TTC3: variants seen among roughly 807,000 people sequenced by gnomAD.
TTC3 encodes the protein tetratricopeptide repeat domain 3, also known as E3 ubiquitin-protein ligase TTC3.
In TTC3, 180 loss-of-function variants were observed where a neutral mutation model predicts 249.6. The observed-to-expected ratio is 0.72, with a 90% CI of 0.64 to 0.82. The LOEUF is 0.82. Ranked by LOEUF, TTC3 falls within the 40% of genes least tolerant of loss-of-function variation. The pLI is 0.00. For missense variants in TTC3, 2,061 were observed against 2,398.4 expected (o/e 0.86, Z 2.94); for synonymous variants, 717 against 805.0 (o/e 0.89, Z 1.85).
intron 27 of TTC3, among the ~76,000 whole-genome samples, chr21:37,155,418 C>T (rs375246822): frequency 4.6e-5 from 7 of 152,142 alleles, no homozygotes; most frequent in Non-Finnish European, 1.0e-4. Flanking sequence ...GGATAGGGAA[C>T]GGGAATGTGC....
intron 44 of TTC3, among the ~76,000 whole-genome samples, chr21:37,198,661 A>C (rs900148671): frequency 1.3e-5 from 2 of 152,244 alleles, no homozygotes; most frequent in Admixed American, 1.3e-4. Flanking sequence ...TTCAAATTAC[A>C]AAGTATTACA....
chr21:37,145,472 CAATA>C (rs1220939498), intron 21 of TTC3, among the ~76,000 whole-genome samples: 3 of 152,148 alleles, frequency 2.0e-5, no homozygotes, highest in Non-Finnish European at 4.4e-5. Flanking sequence ...TGTGGGCAGA[CAATA>C]AATATTGGCA....
intron 1 of TTC3, among the ~76,000 whole-genome samples, chr21:37,080,592 CAG>C (rs1480592688): frequency 6.6e-6 from 1 of 152,178 alleles, no homozygotes; most frequent in Non-Finnish European, 1.5e-5. Flanking sequence ...TAGTTTCTAA[CAG>C]ATTTCCTGTA....
chr21:37,174,634 A>G (rs562632869), intron 35 of TTC3, among the ~76,000 whole-genome samples: 23 of 152,312 alleles, frequency 1.5e-4, no homozygotes, highest in Non-Finnish European at 5.9e-5. Flanking sequence ...TAGCAAATGC[A>G]TACCCAGCCC....
chr21:37,182,059 A>T (rs988847735), intron 35 of TTC3, among the ~76,000 whole-genome samples: 5 of 152,246 alleles, frequency 3.3e-5, no homozygotes, highest in African/African-American at 1.2e-4. Flanking sequence ...ATTCACGTTT[A>T]AATTAATTAT....
chr21:37,085,431 A>G (rs1232857526), intron 1 of TTC3, among the ~76,000 whole-genome samples: 2 of 152,196 alleles, frequency 1.3e-5, no homozygotes, highest in African/African-American at 4.8e-5. Flanking sequence ...TTTCCCTTGA[A>G]TGGTCGAAGT....
At chr21:37,096,722 T>C in intron 10 of TTC3, 79 bp downstream of exon 10, 4 of 1,087,834 alleles carry the variant, frequency 3.7e-6, no homozygotes, top group Non-Finnish European at 5.5e-6. Flanking sequence ...GTTTTTCAGG[T>C]ATACAAGAAA....
intron 29 of TTC3, 103 bp from the exon 30 acceptor site, chr21:37,160,699 A>C: frequency 8.4e-7 from 1 of 1,185,998 alleles, no homozygotes; most frequent in Non-Finnish European, 1.2e-6. Flanking sequence ...TTTTATGTAC[A>C]TTTAACTTAT....
chr21:37,079,516 G>GGTTTTTTTTTT, intron 1 of TTC3, among the ~76,000 whole-genome samples: 1 of 91,490 alleles, frequency 1.1e-5, no homozygotes. Flanking sequence ...TTTATGGTAT[G>GGTTTTTTTTTT]GTTTTTTTTT....
intron 23 of TTC3, among the ~76,000 whole-genome samples, chr21:37,148,921 G>T (rs1201165595): frequency 1.3e-5 from 2 of 148,954 alleles, no homozygotes; most frequent in African/African-American, 4.9e-5. Flanking sequence ...CAGACTCCTT[G>T]ACCCAAGTGA....
intron 32 of TTC3, among the ~76,000 whole-genome samples, chr21:37,164,527 A>AG (rs36032258): frequency 1 from 152,103 of 152,154 alleles, 76,026 homozygotes; most frequent in South Asian, 1. Context: ...TTAGTAGAGA[A>AG]GGGTTTCACC....
At chr21:37,132,653 G>T in intron 16 of TTC3, 29 bp from the exon 17 acceptor site, 1 of 1,551,410 alleles carries the variant, frequency 6.4e-7, no homozygotes, top group African/African-American at 1.4e-5. Flanking sequence ...ATTTTAAAAT[G>T]ATTTTTAAAA....
exon 43 of TTC3, chr21:37,197,693 A>G (rs1216461175): frequency 6.2e-7 from 1 of 1,607,088 alleles, no homozygotes; most frequent in Non-Finnish European, 8.5e-7. Flanking sequence ...AGAAAAAGAA[A>G]AAGGTATTTT....
At chr21:37,199,415 A>G (rs569960312) in intron 44 of TTC3, among the ~76,000 whole-genome samples, 11 of 152,234 alleles carry the variant, frequency 7.2e-5, no homozygotes, top group Non-Finnish European at 1.6e-4. Context: ...AGCTGCAGGG[A>G]GAACTGTGCC....
intron 5 of TTC3, 123 bp from the exon 6 acceptor site, chr21:37,090,110 T>C (rs2073053839): frequency 3.4e-6 from 2 of 595,438 alleles, no homozygotes; most frequent in Non-Finnish European, 5.7e-6. Context: ...TGTAAATGCT[T>C]GTCGGAAGTG....
At chr21:37,197,794 A>G in intron 43 of TTC3, 88 bp from the exon 44 acceptor site, 1 of 1,551,578 alleles carries the variant, frequency 6.4e-7, no homozygotes, top group Non-Finnish European at 8.6e-7. Flanking sequence ...CTAGAGAGCA[A>G]TGTACTAAAG....
intron 27 of TTC3, 94 bp downstream of exon 27, chr21:37,153,371 A>T: frequency 8.4e-7 from 1 of 1,184,040 alleles, no homozygotes; most frequent in South Asian, 1.6e-5. Flanking sequence ...TATAATTTAT[A>T]ACTTTAAATG....
At chr21:37,081,946 G>A (rs2071735838) in intron 1 of TTC3, 1 of 150,058 alleles carries the variant, frequency 6.7e-6, no homozygotes, top group Non-Finnish European at 1.5e-5. Flanking sequence ...CTCACTGCAA[G>A]CTCCGCCTCC....
intron 11 of TTC3, among the ~76,000 whole-genome samples, chr21:37,114,375 G>T (rs999024481): frequency 2.0e-5 from 3 of 152,118 alleles, no homozygotes; most frequent in Non-Finnish European, 2.9e-5. Flanking sequence ...GTGGGCGAAG[G>T]ATATGAACAG....
Sources: gnomAD v4.1 joint callset for allele counts (sites outside exome capture counted in the v4.1 genomes callset) on GRCh38, gnomAD v4.1.1 for gene constraint, MANE v1.5 for transcripts, NCBI Gene and HGNC (gene_info 2026-07-23, HGNC 2026-07-21) for gene names.